The following MTHFD1L variants were observed in gnomAD, a reference collection of about 807,000 sequenced individuals.
The protein encoded by MTHFD1L is methylenetetrahydrofolate dehydrogenase (NADP+ dependent) 1 like, also known as monofunctional C1-tetrahydrofolate synthase, mitochondrial.
MTHFD1L carries 81 observed loss-of-function variants against 119.5 expected under a neutral mutation model. The ratio of observed to expected loss-of-function variants is 0.68; its 90% CI spans 0.57 to 0.82. The LOEUF (loss-of-function observed/expected upper bound fraction) is 0.82, where lower values mean the gene tolerates loss of function less well. MTHFD1L is among the 40% of genes least tolerant of loss of function. MTHFD1L has a pLI of 0.00. For missense variants in MTHFD1L, 1,125 were observed against 1,253.4 expected (o/e 0.90, Z 1.55); for synonymous variants, 430 against 475.2 (o/e 0.90, Z 1.24).
At chr6:150,947,441 A>G (rs1296779282) in intron 15 of MTHFD1L, among the ~76,000 whole-genome samples, 1 of 151,414 alleles carries the variant, frequency 6.6e-6, no homozygotes, top group Non-Finnish European at 1.5e-5. Context: ...ATAAATAGGA[A>G]GATTTCTTGG....
intron 24 of MTHFD1L, among the ~76,000 whole-genome samples, chr6:151,029,802 A>T (rs890127555): frequency 7.9e-5 from 12 of 152,288 alleles, no homozygotes; most frequent in East Asian, 3.9e-4. Flanking sequence ...TATAAAAAAA[A>T]TTTTTTTAAA....
chr6:151,089,307 A>AAT (rs1204276212), intron 26 of MTHFD1L, among the ~76,000 whole-genome samples: 2 of 152,238 alleles, frequency 1.3e-5, no homozygotes, highest in East Asian at 3.9e-4. Context: ...AGGCATCTTA[A>AAT]AAAGCCTTCT....
intron 19 of MTHFD1L, among the ~76,000 whole-genome samples, chr6:150,966,969 G>C (rs546567747): frequency 6.6e-6 from 1 of 152,216 alleles, no homozygotes; most frequent in South Asian, 2.1e-4. Context: ...AGGGGTGCAG[G>C]ATGCACAGGT....
chr6:150,956,929 C>A (rs940187975), intron 17 of MTHFD1L, among the ~76,000 whole-genome samples: 2 of 149,776 alleles, frequency 1.3e-5, no homozygotes, highest in African/African-American at 2.5e-5. Context: ...CACACACACA[C>A]AAACAGATTT....
intron 16 of MTHFD1L, among the ~76,000 whole-genome samples, chr6:150,950,234 C>T (rs1794647562): frequency 1.3e-5 from 2 of 152,166 alleles, no homozygotes; most frequent in South Asian, 4.1e-4. Context: ...TGGCTTCCCT[C>T]ACTCTGCTCC....
chr6:151,040,201 G>A (rs1237840082), intron 26 of MTHFD1L, among the ~76,000 whole-genome samples: 2 of 152,190 alleles, frequency 1.3e-5, no homozygotes, highest in East Asian at 1.9e-4. Context: ...AAACCCCGCA[G>A]TAGTTCACCC....
rs751481031 is a variant in MTHFD1L, at chr6:150,897,922, G to A, written c.781-7728G>A. Among the ~76,000 whole-genome samples, 7 of 152,286 alleles carry A rather than the reference G, an allele frequency of 4.6e-5. No homozygotes were observed. The South Asian group carries it at 1.0e-3, about 23-fold the overall frequency. ...TGCAATGGTGCAATCTCAGCTCACC[G>A]CAGTCTCCGCCTCCCAGGTTCAAAT... On this transcript the variant is annotated intron_variant, in intron 7 of 27. Coordinates refer to ENST00000367321, the MANE Select transcript of MTHFD1L (RefSeq NM_015440.5).
At position 150,905,711 on chromosome 6, in the gene MTHFD1L, G is replaced by A; in HGVS notation, c.842G>A (p.Trp281Ter). ...SPKPEEIPLTWIQPGTTVLNC... is the reference protein window; with the variant it reads ...SPKPEEIPLT ...AAGCCAGAAGAGATTCCCCTTACTTGGATACAACCAGGAACTACTGTTCTC... is the reference window on the plus strand; with the variant it reads ...AAGCCAGAAGAGATTCCCCTTACTTAGATACAACCAGGAACTACTGTTCTC... Residue 281 changes from tryptophan to a stop codon, truncating the protein, a stop_gained, in exon 8 of 28, where the codon TGG (tryptophan) becomes TAG (stop). Coordinates refer to ENST00000367321, the MANE Select transcript of MTHFD1L (RefSeq NM_015440.5). LOFTEE classifies it high-confidence loss of function. 6.2e-7 allele frequency: 1 copy of A among 1,614,032 alleles called. No homozygotes were observed. Among genetic ancestry groups the A allele is most frequent in the Non-Finnish European group, 8.5e-7 (1 of 1,179,994 alleles).
chr6:150,875,934 G>A (rs567653440), intron 1 of MTHFD1L, 156 bp from the exon 2 acceptor site: 34 of 581,640 alleles, frequency 5.8e-5, no homozygotes, highest in Admixed American at 4.3e-4. Flanking sequence ...TCATTGTTAC[G>A]CCGCCTACCC....
Position 151,025,816 on chromosome 6 carries a change from G to C in MTHFD1L, c.2587-8677G>C, listed in dbSNP as rs551919275. ...GTGTTCCAATACTTCACAACAGTGGGGCCTCATTAAGAGATGCTAGGGTAT... is the reference window on the plus strand; with the variant it reads ...GTGTTCCAATACTTCACAACAGTGGCGCCTCATTAAGAGATGCTAGGGTAT... On this transcript the variant is annotated intron_variant, in intron 24 of 27. Coordinates refer to ENST00000367321, the MANE Select transcript of MTHFD1L (RefSeq NM_015440.5). Among the ~76,000 whole-genome samples, 11 of 152,290 alleles carry C rather than the reference G, an allele frequency of 7.2e-5. No individual in the cohort carries two copies. The South Asian group carries it at 8.3e-4, about 11-fold the overall frequency.
At chr6:151,075,657 C>T (rs867337860) in intron 26 of MTHFD1L, among the ~76,000 whole-genome samples, 8 of 152,194 alleles carry the variant, frequency 5.3e-5, no homozygotes, top group South Asian at 4.1e-4. Context: ...CAGCAGATTA[C>T]GCATTCTTTT....
At chr6:151,045,638 C>A (rs1204497355) in intron 26 of MTHFD1L, among the ~76,000 whole-genome samples, 1 of 152,228 alleles carries the variant, frequency 6.6e-6, no homozygotes, top group Non-Finnish European at 1.5e-5. Context: ...CATCTGGCCT[C>A]ACTTTGTTTG....
At chr6:150,910,651 A>G (rs1028554299) in intron 8 of MTHFD1L, among the ~76,000 whole-genome samples, 21 of 152,116 alleles carry the variant, frequency 1.4e-4, no homozygotes, top group Admixed American at 3.3e-4. Context: ...AAGATTCCCA[A>G]TTTCTTTGTG....
chr6:150,874,871 T>G (rs1270847484), intron 1 of MTHFD1L, among the ~76,000 whole-genome samples: 2 of 151,644 alleles, frequency 1.3e-5, no homozygotes, highest in Non-Finnish European at 1.5e-5. Flanking sequence ...CAAGAGATTC[T>G]CCCGAGTAGC....
intron 24 of MTHFD1L, among the ~76,000 whole-genome samples, chr6:151,017,800 T>TGTACA (rs1315813051): frequency 1.3e-5 from 2 of 151,420 alleles, no homozygotes; most frequent in Non-Finnish European, 2.9e-5. Context: ...ATATGGCATA[T>TGTACA]GTACAAGTAT....
At chr6:150,875,095 A>C (rs1283686502) in intron 1 of MTHFD1L, among the ~76,000 whole-genome samples, 1 of 141,370 alleles carries the variant, frequency 7.1e-6, no homozygotes, top group Non-Finnish European at 1.5e-5. Context: ...TTGCTCTGCC[A>C]CCCAGGCTGG....
At chr6:150,943,886 GTTTAT>G (rs1793539780) in intron 13 of MTHFD1L, among the ~76,000 whole-genome samples, 1 of 152,066 alleles carries the variant, frequency 6.6e-6, no homozygotes, top group Non-Finnish European at 1.5e-5. Flanking sequence ...TATTGTTACT[GTTTAT>G]TTTATGCCCT....
At chr6:151,005,292 G>A (rs1781224429) in intron 20 of MTHFD1L, among the ~76,000 whole-genome samples, 1 of 152,100 alleles carries the variant, frequency 6.6e-6, no homozygotes, top group Admixed American at 6.6e-5. Flanking sequence ...CCTTATTAAA[G>A]TAGTTTTTAC....
At position 151,039,422 on chromosome 6, in the gene MTHFD1L, A is replaced by G. The variant is rs61103136; in HGVS notation, c.2847+2305A>G. Among the ~76,000 whole-genome samples the G allele has an allele frequency of 0.031, 4,670 of 152,140 alleles. 261 individuals are homozygous for G. Among genetic ancestry groups the G allele is most frequent in the African/African-American group, 0.11 (4,373 of 41,460 alleles). ...CGTGGTAGTGATTCCATGGCTATAT[A>G]CATTCTTCCAGACTCATAGACCTAT... On this transcript the variant is annotated intron_variant, in intron 26 of 27. Coordinates refer to ENST00000367321, the MANE Select transcript of MTHFD1L (RefSeq NM_015440.5). The surrounding 1 kb of genome is among the most constrained non-coding windows in gnomAD (Gnocchi z 4.4).
Sources: allele counts gnomAD v4.1 joint callset (sites outside exome capture counted in the v4.1 genomes callset), GRCh38; gene constraint gnomAD v4.1.1; non-coding constraint Gnocchi (gnomAD v3.1); transcripts MANE v1.5; gene names NCBI Gene and HGNC (gene_info 2026-07-23, HGNC 2026-07-21).